The following WASF3 variants were observed in gnomAD, a reference collection of about 807,000 sequenced individuals.
The protein encoded by WASF3 is actin-binding protein WASF3.
A neutral mutation model predicts 46.6 loss-of-function variants in WASF3; 11 were observed. The observed-to-expected ratio is 0.24, with a 90% CI of 0.15 to 0.39. The LOEUF (loss-of-function observed/expected upper bound fraction) is 0.39, where lower values mean the gene tolerates loss of function less well. Among genes scored for constraint, WASF3 ranks in the 10% least tolerant of loss-of-function variants. The probability of loss-of-function intolerance (pLI) is 1.00; values close to 1 mark genes in which losing one functional copy is unlikely to be tolerated. For missense variants in WASF3, 576 were observed against 669.8 expected, an observed-to-expected ratio of 0.86 and a Z score of 1.55; for synonymous variants, 242 against 259.7, an observed-to-expected ratio of 0.93 and a Z score of 0.65.
the WASF3 span, among the ~76,000 whole-genome samples, chr13:26,551,103 T>C: frequency 1.3e-5 from 2 of 152,136 alleles, no homozygotes; most frequent in Non-Finnish European, 2.9e-5. Context: ...GGTTTAAAAG[T>C]GTGTGGCACT....
At chr13:26,540,162 G>C in the WASF3 span, among the ~76,000 whole-genome samples, 10 of 152,264 alleles carry the variant, frequency 6.6e-5, no homozygotes, top group Non-Finnish European at 7.4e-5. Flanking sequence ...CATCAAACCT[G>C]GTTGGGCAAC....
the WASF3 span, among the ~76,000 whole-genome samples, chr13:26,549,202 G>A: frequency 2.1e-4 from 32 of 151,934 alleles, no homozygotes; most frequent in Admixed American, 2.0e-4. Context: ...GGATGGTCTC[G>A]ATCTCCTGAC....
chr13:26,659,797 C>G (rs990128280), intron 3 of WASF3, among the ~76,000 whole-genome samples: 1 of 152,110 alleles, frequency 6.6e-6, no homozygotes, highest in African/African-American at 2.4e-5. Flanking sequence ...AAGTCTGTGA[C>G]TGGAGCAACG....
chr13:26,628,012 A>G (rs1881525476), intron 2 of WASF3, among the ~76,000 whole-genome samples: 1 of 152,146 alleles, frequency 6.6e-6, no homozygotes. Flanking sequence ...TGGAGGGAAG[A>G]TGCTTAGAGC....
chr13:26,643,495 A>G lies in WASF3; in HGVS notation c.133+1092A>G, dbSNP rs1398476518. 2.0e-5 allele frequency among the ~76,000 whole-genome samples: 3 copies of G among 152,250 alleles called. No individual in the cohort carries two copies. In the East Asian group the frequency reaches 5.8e-4, roughly 29 times the overall value. ...GCAAAAGTATGTAAAGAAATTACATAAAATGTTTTTTAAAATAAAATTTTC... is the reference window on the plus strand; with the variant it reads ...GCAAAAGTATGTAAAGAAATTACATGAAATGTTTTTTAAAATAAAATTTTC... On this transcript the variant is annotated intron_variant, in intron 3 of 9. Transcript: ENST00000335327.
intron 1 of WASF3, among the ~76,000 whole-genome samples, chr13:26,569,513 A>G (rs1262897422): frequency 2.0e-5 from 3 of 152,216 alleles, no homozygotes; most frequent in Non-Finnish European, 4.4e-5. Context: ...GTTGATTAGA[A>G]TCAATATGAA....
At chr13:26,617,092 C>T (rs866331183) in intron 2 of WASF3, among the ~76,000 whole-genome samples, 2 of 151,922 alleles carry the variant, frequency 1.3e-5, no homozygotes, top group Non-Finnish European at 1.5e-5. Context: ...ACAACTTTTC[C>T]GTGTTTTCTT....
chr13:26,562,056 A>G (rs1475481820), intron 1 of WASF3, among the ~76,000 whole-genome samples: 1 of 152,206 alleles, frequency 6.6e-6, no homozygotes, highest in Non-Finnish European at 1.5e-5. Flanking sequence ...TTCTTTGCTC[A>G]ATAAGCATTT....
Position 26,680,193 on chromosome 13 carries a change from G to A in WASF3, c.717-861G>A. The A allele has an allele frequency of 2.6e-6, 4 of 1,568,440 alleles. No individual in the cohort carries two copies. In the East Asian group the frequency reaches 6.7e-5, roughly 26 times the overall value. The stretch of plus-strand genomic sequence containing the variant: ...CAGGGAGCGCCAAAGAGGACAGAGT[G>A]CCCAGCGGGTTTGTTGTTTTGCTTT... On this transcript the variant is annotated intron_variant, in intron 7 of 9. Coordinates refer to ENST00000335327, the MANE Select transcript of WASF3 (RefSeq NM_006646.6).
chr13:26,604,863 A>C (rs1299685131), intron 1 of WASF3, among the ~76,000 whole-genome samples: 7 of 152,188 alleles, frequency 4.6e-5, no homozygotes, highest in African/African-American at 1.7e-4. Context: ...GAGCAACAGA[A>C]AGTGCCAAAA....
At chr13:26,549,557 A>T in the WASF3 span, among the ~76,000 whole-genome samples, 2 of 152,206 alleles carry the variant, frequency 1.3e-5, no homozygotes, top group Admixed American at 1.3e-4. Context: ...AATGACCCAG[A>T]CTGGGAACTA....
chr13:26,565,194 A>AG (rs1879426770), intron 1 of WASF3, among the ~76,000 whole-genome samples: 1 of 151,518 alleles, frequency 6.6e-6, no homozygotes, highest in East Asian at 1.9e-4. Context: ...AGAAAAAAAA[A>AG]AAAAAGAATT....
At chr13:26,663,725 G>T (rs1882695828) in intron 3 of WASF3, among the ~76,000 whole-genome samples, 1 of 152,122 alleles carries the variant, frequency 6.6e-6, no homozygotes, top group Non-Finnish European at 1.5e-5. Context: ...AACCATTTAA[G>T]CAGTAAAATA....
chr13:26,661,479 C>T (rs1042610726), intron 3 of WASF3, among the ~76,000 whole-genome samples: 1 of 152,226 alleles, frequency 6.6e-6, no homozygotes, highest in Non-Finnish European at 1.5e-5. Context: ...GAATAATACT[C>T]CATTGTATGT....
At chr13:26,627,853 A>G (rs952057572) in intron 2 of WASF3, among the ~76,000 whole-genome samples, 1 of 151,476 alleles carries the variant, frequency 6.6e-6, no homozygotes, top group African/African-American at 2.4e-5. Flanking sequence ...AACCTGCACA[A>G]TGTGCACATG....
At chr13:26,554,016 C>CCCTT (rs145953496), upstream of WASF3, among the ~76,000 whole-genome samples, 44,133 of 75,874 alleles carry the variant, frequency 0.58, 16,126 homozygotes, top group Middle Eastern at 0.61. Context: ...TCCTTTCCTT[C>CCCTT]CCTTCCTTCC....
intron 1 of WASF3, among the ~76,000 whole-genome samples, chr13:26,571,490 T>C (rs908710271): frequency 6.6e-6 from 1 of 152,236 alleles, no homozygotes; most frequent in African/African-American, 2.4e-5. Flanking sequence ...ACACCATTTA[T>C]AAAGTTCATC....
At chr13:26,591,842 G>A (rs1053226818) in intron 1 of WASF3, among the ~76,000 whole-genome samples, 12 of 152,078 alleles carry the variant, frequency 7.9e-5, no homozygotes, top group African/African-American at 2.9e-4. Context: ...TCTTGAGGTC[G>A]GGGATGCTTT....
chr13:26,602,103 G>T (rs1201774469), intron 1 of WASF3, among the ~76,000 whole-genome samples: 1 of 152,158 alleles, frequency 6.6e-6, no homozygotes, highest in African/African-American at 2.4e-5. Context: ...TATAAAAGGG[G>T]AGCTTGAGAC....
Sources: gnomAD v4.1 joint callset for allele counts (sites outside exome capture counted in the v4.1 genomes callset) on GRCh38, gnomAD v4.1.1 for gene constraint, MANE v1.5 for transcripts, NCBI Gene and HGNC (gene_info 2026-07-23, HGNC 2026-07-21) for gene names.